The following PBX3 variants were observed in gnomAD, a reference collection of about 807,000 sequenced individuals.
PBX3 encodes pre-B-cell leukemia transcription factor 3.
PBX3 carries 14 observed loss-of-function variants against 48.5 expected under a neutral mutation model. The observed-to-expected ratio is 0.29, with a 90% confidence interval of 0.19 to 0.45. The LOEUF (loss-of-function observed/expected upper bound fraction) is 0.45, where lower values mean the gene tolerates loss of function less well. Ranked by LOEUF, PBX3 falls within the 20% of genes least tolerant of loss-of-function variation. The probability of loss-of-function intolerance (pLI) is 1.00; values close to 1 mark genes in which losing one functional copy is unlikely to be tolerated. For missense variants in PBX3, 386 were observed against 546.7 expected, an observed-to-expected ratio of 0.71 and a Z score of 2.93; for synonymous variants, 210 against 200.3, an observed-to-expected ratio of 1.05 and a Z score of -0.41.
intron 2 of PBX3, among the ~76,000 whole-genome samples, chr9:125,876,513 CTTCCTTGATATTTTCTT>C (rs1840250997): frequency 6.6e-6 from 1 of 152,078 alleles, no homozygotes; most frequent in African/African-American, 2.4e-5. Context: ...TATATTTTCT[CTTCCTTGATATTTTCTT>C]AATAACATTT....
intron 5 of PBX3, among the ~76,000 whole-genome samples, chr9:125,950,511 C>A (rs1385850111): frequency 7.1e-6 from 1 of 139,878 alleles, no homozygotes; most frequent in Non-Finnish European, 1.5e-5. Context: ...CTGAGTCTTG[C>A]TCTGTTGCCC....
At chr9:125,789,139 G>C (rs1427160906) in intron 2 of PBX3, among the ~76,000 whole-genome samples, 1 of 152,080 alleles carries the variant, frequency 6.6e-6, no homozygotes, top group Non-Finnish European at 1.5e-5. Context: ...ATTCTATTGT[G>C]ATTATTCTGT....
intron 2 of PBX3, among the ~76,000 whole-genome samples, chr9:125,763,731 T>C (rs1564642514): frequency 6.6e-6 from 1 of 152,208 alleles, no homozygotes; most frequent in East Asian, 1.9e-4. Flanking sequence ...TTAATGGCAG[T>C]GAGCACGGGA....
chr9:125,783,237 A>ATTAT (rs1837369258), intron 2 of PBX3, among the ~76,000 whole-genome samples: 1 of 152,038 alleles, frequency 6.6e-6, no homozygotes, highest in South Asian at 2.1e-4. Flanking sequence ...ATGTCTCGTT[A>ATTAT]TTATACATTG....
intron 2 of PBX3, among the ~76,000 whole-genome samples, chr9:125,835,352 GGAGAT>G (rs1381129991): frequency 6.6e-6 from 1 of 152,132 alleles, no homozygotes; most frequent in Non-Finnish European, 1.5e-5. Flanking sequence ...GGCAGAGCTG[GGAGAT>G]GGCCCTAGAG....
intron 2 of PBX3, among the ~76,000 whole-genome samples, chr9:125,820,031 C>G (rs1838602397): frequency 6.6e-6 from 1 of 152,136 alleles, no homozygotes; most frequent in Non-Finnish European, 1.5e-5. Context: ...TTCATTGTTT[C>G]TTTCACCTGG....
At chr9:125,817,360 A>T (rs1408843998) in intron 2 of PBX3, among the ~76,000 whole-genome samples, 2 of 152,192 alleles carry the variant, frequency 1.3e-5, no homozygotes, top group Non-Finnish European at 2.9e-5. Flanking sequence ...CACTATTCAA[A>T]GCCTTATTTT....
At chr9:125,780,883 G>A (rs1449519841) in intron 2 of PBX3, among the ~76,000 whole-genome samples, 2 of 148,604 alleles carry the variant, frequency 1.3e-5, no homozygotes, top group Non-Finnish European at 3.0e-5. Context: ...CTCAGACGGG[G>A]CGGATGCTGG....
intron 2 of PBX3, among the ~76,000 whole-genome samples, chr9:125,830,310 A>C (rs1424049753): frequency 6.6e-6 from 1 of 152,188 alleles, no homozygotes; most frequent in African/African-American, 2.4e-5. Flanking sequence ...TGTAAATTTA[A>C]CAATAGAACT....
intron 2 of PBX3, chr9:125,748,973 T>A (rs1283226945): frequency 4.9e-6 from 1 of 206,018 alleles, no homozygotes; most frequent in Non-Finnish European, 1.0e-5. Flanking sequence ...GGAGACTGGA[T>A]GCCAGGACCG....
chr9:125,925,532 C>A (rs1273472858), intron 3 of PBX3, among the ~76,000 whole-genome samples: 10 of 152,268 alleles, frequency 6.6e-5, no homozygotes, highest in African/African-American at 1.2e-4. Flanking sequence ...CAGCTCACTG[C>A]AGCCTCTGCC....
At chr9:125,884,556 T>C (rs935198943) in intron 2 of PBX3, among the ~76,000 whole-genome samples, 1 of 152,214 alleles carries the variant, frequency 6.6e-6, no homozygotes, top group African/African-American at 2.4e-5. Context: ...GAGGAGTTAA[T>C]TACTTTATTA....
chr9:125,748,819 A>C, intron 2 of PBX3, 196 bp downstream of exon 2: 1 of 478,176 alleles, frequency 2.1e-6, no homozygotes, highest in Non-Finnish European at 3.8e-6. Flanking sequence ...CTGGTGTAAA[A>C]TGAAGTGTAG....
chr9:125,845,599 G>C (rs968744136), intron 2 of PBX3, among the ~76,000 whole-genome samples: 1 of 152,030 alleles, frequency 6.6e-6, no homozygotes, highest in Non-Finnish European at 1.5e-5. Flanking sequence ...CATGAGCCAG[G>C]GATATGATGA....
chr9:125,933,606 A>G (rs10987047), intron 4 of PBX3, among the ~76,000 whole-genome samples: 10,684 of 151,950 alleles, frequency 0.07, 865 homozygotes, highest in African/African-American at 0.18. Flanking sequence ...CATATAGTGG[A>G]ATTGAGTGGA....
In PBX3 at chr9:125,801,040, C is replaced by T. The variant is rs117684128; in HGVS notation, c.274+52417C>T. ...TGTTGGGATTACAGGCATGAGCCAC[C>T]GTGCTTGGCCTGGAATTAATTTTTA... On this transcript the variant is annotated intron_variant, in intron 2 of 8. Transcript: ENST00000373489. Among the ~76,000 whole-genome samples the T allele has an allele frequency of 2.6e-3, 389 of 152,218 alleles. 3 individuals carry two copies. Among genetic ancestry groups the T allele is most frequent in the Admixed American group, 4.0e-3 (61 of 15,284 alleles).
At chr9:125,780,261 C>T (rs1300049841) in intron 2 of PBX3, among the ~76,000 whole-genome samples, 18 of 132,076 alleles carry the variant, frequency 1.4e-4, no homozygotes, top group African/African-American at 2.9e-4. Context: ...ACCTCCCTCC[C>T]GGATGGGGTG....
intron 2 of PBX3, among the ~76,000 whole-genome samples, chr9:125,818,651 A>G (rs1464610784): frequency 6.6e-6 from 1 of 151,732 alleles, no homozygotes; most frequent in African/African-American, 2.4e-5. Flanking sequence ...ACCTGGCATG[A>G]TGAGATTATT....
At chr9:125,849,768 G>C (rs576495663) in intron 2 of PBX3, among the ~76,000 whole-genome samples, 1 of 152,048 alleles carries the variant, frequency 6.6e-6, no homozygotes, top group South Asian at 2.1e-4. Flanking sequence ...CTGCATAGAA[G>C]TTATTTCAAT....
Sources: gnomAD v4.1 joint callset for allele counts (sites outside exome capture counted in the v4.1 genomes callset) on GRCh38, gnomAD v4.1.1 for gene constraint, MANE v1.5 for transcripts, NCBI Gene and HGNC (gene_info 2026-07-23, HGNC 2026-07-21) for gene names.